The following SEMA4F variants were observed in gnomAD, a reference collection of about 807,000 sequenced individuals.
SEMA4F encodes semaphorin-4F.
A neutral mutation model predicts 78.4 loss-of-function variants in SEMA4F; 51 were observed. That is an observed-to-expected ratio of 0.65 (90% CI 0.52 to 0.82). SEMA4F has a LOEUF of 0.82. Among genes scored for constraint, SEMA4F ranks in the 40% least tolerant of loss-of-function variants. The pLI is 0.00. For synonymous variants in SEMA4F, 418 were observed against 408.7 expected, an observed-to-expected ratio of 1.02 and a Z score of -0.27; for missense variants, 938 against 1,014.4, an observed-to-expected ratio of 0.92 and a Z score of 1.02.
chr2:74,694,899 A>G, the SEMA4F span, among the ~76,000 whole-genome samples: 60 of 152,116 alleles, frequency 3.9e-4, no homozygotes, highest in Admixed American at 1.3e-4. Context: ...TATTGTCTGG[A>G]TGTGCTGCAG....
At chr2:74,664,198 G>A (rs1215045586) in intron 5 of SEMA4F, among the ~76,000 whole-genome samples, 1 of 152,172 alleles carries the variant, frequency 6.6e-6, no homozygotes, top group Non-Finnish European at 1.5e-5. Flanking sequence ...AATTTTATGA[G>A]CATGTGCACA....
intron 4 of SEMA4F, among the ~76,000 whole-genome samples, chr2:74,660,792 T>A (rs1300456191): frequency 6.6e-6 from 1 of 152,220 alleles, no homozygotes; most frequent in Non-Finnish European, 1.5e-5. Context: ...TTTCAACATA[T>A]TGAGTTTTAA....
chr2:74,668,929 C>CAA (rs1308342967), intron 5 of SEMA4F, among the ~76,000 whole-genome samples: 1,361 of 55,364 alleles, frequency 0.025, 32 homozygotes, highest in African/African-American at 0.077. Context: ...CAAGCGTGGC[C>CAA]AAAAAAAAAA....
chr2:74,691,255 G>C, the SEMA4F span, among the ~76,000 whole-genome samples: 2 of 152,190 alleles, frequency 1.3e-5, no homozygotes, highest in Admixed American at 6.5e-5. Flanking sequence ...ATCAGTCTCT[G>C]AGAACTGCAG....
At chr2:74,698,872 A>C in the SEMA4F span, among the ~76,000 whole-genome samples, 1 of 152,230 alleles carries the variant, frequency 6.6e-6, no homozygotes, top group Non-Finnish European at 1.5e-5. Flanking sequence ...CCCAATTAAT[A>C]AGCAGCAGTA....
At chr2:74,668,853 C>T (rs1277583919) in intron 5 of SEMA4F, among the ~76,000 whole-genome samples, 1 of 149,292 alleles carries the variant, frequency 6.7e-6, no homozygotes, top group Non-Finnish European at 1.5e-5. Flanking sequence ...TGGTCTTGAA[C>T]TCCTGACCTC....
chr2:74,672,363 T>C (rs558690102), intron 5 of SEMA4F, among the ~76,000 whole-genome samples: 2 of 152,346 alleles, frequency 1.3e-5, no homozygotes, highest in South Asian at 4.1e-4. Context: ...TAGATATAGC[T>C]GGGTCCCCCA....
chr2:74,654,705 T>G (rs535093550), intron 1 of SEMA4F, among the ~76,000 whole-genome samples, 184 bp downstream of exon 1: 32 of 151,760 alleles, frequency 2.1e-4, no homozygotes, highest in African/African-American at 7.2e-4. Context: ...TCTGCATCCC[T>G]CCCGCGCCCC....
chr2:74,674,395 G>A (rs1339987677), intron 7 of SEMA4F, 103 bp from the exon 8 acceptor site: 2 of 1,019,736 alleles, frequency 2.0e-6, no homozygotes, highest in African/African-American at 1.6e-5. Context: ...CTCCCCATCT[G>A]TCTGTCTGCC....
In SEMA4F at chr2:74,680,174, G is replaced by C; in HGVS notation, c.2278G>C (p.Ala760Pro). 6.3e-7 allele frequency: 1 copy of C among 1,594,648 alleles called. No individual in the cohort carries two copies. Among genetic ancestry groups the C allele is most frequent in the Non-Finnish European group, 8.6e-7 (1 of 1,166,548 alleles). The change falls in exon 14 of 14, where the codon GCT becomes CCT. Residue 760 changes from alanine to proline, a missense_variant. Physicochemically the swap from Ala to Pro is conservative, Grantham distance 27. Coordinates refer to ENST00000357877, the MANE Select transcript of SEMA4F (RefSeq NM_004263.5). ...PSPAHIRLTG[A>P]PLATCDETSI ...CCCAGCCCACATTCGGCTAACTGGG[G>C]CTCCTCTAGCCACATGTGATGAAAC... is the stretch of plus-strand genomic sequence containing the variant.
chr2:74,676,345 A>C (rs1685281034), intron 12 of SEMA4F, among the ~76,000 whole-genome samples: 1 of 152,010 alleles, frequency 6.6e-6, no homozygotes, highest in Non-Finnish European at 1.5e-5. Flanking sequence ...CATTCTCTTC[A>C]CACGTTCATG....
At chr2:74,671,234 C>G (rs1476290600) in intron 5 of SEMA4F, among the ~76,000 whole-genome samples, 4 of 152,232 alleles carry the variant, frequency 2.6e-5, no homozygotes, top group Admixed American at 2.6e-4. Flanking sequence ...TTCCCCACCC[C>G]AAAAGAAGGC....
intron 5 of SEMA4F, among the ~76,000 whole-genome samples, chr2:74,665,316 A>C (rs576121773): frequency 1.7e-4 from 25 of 144,616 alleles, no homozygotes; most frequent in African/African-American, 5.4e-4. Context: ...TGCGAACTGC[A>C]CCTCCTGGGT....
intron 12 of SEMA4F, among the ~76,000 whole-genome samples, chr2:74,676,485 A>C (rs1386661094): frequency 1.3e-5 from 2 of 152,222 alleles, no homozygotes. Context: ...TGGATGCTTC[A>C]TAAGCAACTC....
rs538073892 is a variant in SEMA4F, at chr2:74,656,134, A to G, written c.146-400A>G. Among the ~76,000 whole-genome samples the G allele has an allele frequency of 9.7e-4, 147 of 151,346 alleles. 1 individual carries two copies. The highest frequency in any genetic ancestry group is 3.4e-3 in the African/African-American group (140 of 41,190). ...AGCAATTCTCCTGCCTCAGCCTCCC[A>G]AATAGCTGGGATTACAGGTGCGCGC... On this transcript the variant is annotated intron_variant, in intron 1 of 13. Transcript: ENST00000357877.
chr2:74,668,613 G>GTTTT (rs758572242), intron 5 of SEMA4F, among the ~76,000 whole-genome samples: 1 of 140,924 alleles, frequency 7.1e-6, no homozygotes, highest in Non-Finnish European at 1.6e-5. Flanking sequence ...AATCAGTTGT[G>GTTTT]TTTTTTTTTT....
At chr2:74,690,722 C>T in the SEMA4F span, among the ~76,000 whole-genome samples, 5 of 152,136 alleles carry the variant, frequency 3.3e-5, no homozygotes, top group Admixed American at 3.3e-4. Context: ...AGTTTGAAGA[C>T]TTTTGGTTTT....
intron 4 of SEMA4F, among the ~76,000 whole-genome samples, chr2:74,660,279 C>T (rs1410929997): frequency 6.6e-6 from 1 of 152,256 alleles, no homozygotes; most frequent in Non-Finnish European, 1.5e-5. Flanking sequence ...GTGTTTGTCT[C>T]TGGCTCTGTT....
rs747799198 is a variant in SEMA4F at position 74,656,654 on chromosome 2, C to T, written c.266C>T (p.Ser89Phe). ...GCCCGGGACACCATCTTCGCTTTAT[C>T]CCTGCCCTTCTCAGGGGAGAGACCC... is the stretch of plus-strand genomic sequence containing the variant. ...VGARDTIFAL[S>F]LPFSGERPRR... Residue 89 changes from serine (S) to phenylalanine (F), a missense_variant, in exon 2 of 14, where the codon TCC becomes TTC. Coordinates refer to ENST00000357877, the MANE Select transcript of SEMA4F (RefSeq NM_004263.5). 1 of 1,614,202 alleles carries T rather than the reference C, an allele frequency of 6.2e-7. No homozygotes were observed. Among genetic ancestry groups the T allele is most frequent in the South Asian group, 1.1e-5 (1 of 91,074 alleles).
Sources: allele counts gnomAD v4.1 joint callset (sites outside exome capture counted in the v4.1 genomes callset), GRCh38; gene constraint gnomAD v4.1.1; transcripts MANE v1.5; gene names NCBI Gene and HGNC (gene_info 2026-07-23, HGNC 2026-07-21).